VPS13A: variants seen among roughly 807,000 people sequenced by gnomAD.
VPS13A encodes vacuolar protein sorting 13 homolog A, also known as intermembrane lipid transfer protein VPS13A.
Under a neutral mutation model 390.9 loss-of-function variants are expected in VPS13A, and 264 were observed. That is an observed-to-expected ratio of 0.68 (90% CI 0.61 to 0.75). The LOEUF is 0.75. Ranked by LOEUF, VPS13A falls within the 30% of genes least tolerant of loss-of-function variation. VPS13A has a pLI of 0.00. For synonymous variants in VPS13A, 1,231 were observed against 1,227.1 expected, an observed-to-expected ratio of 1.00 and a Z score of -0.07; for missense variants, 3,409 against 3,733.9, an observed-to-expected ratio of 0.91 and a Z score of 2.27.
At position 77,186,950 on chromosome 9, in the gene VPS13A, G is replaced by A. The variant is rs748878408; in HGVS notation, c.100+9146G>A. ...TTCTACTTTTGATGTCTGTAAATTCGAATACTTGAAGTATAAGTGGAATTA... is the reference window on the plus strand; with the variant it reads ...TTCTACTTTTGATGTCTGTAAATTCAAATACTTGAAGTATAAGTGGAATTA... On this transcript the variant is annotated intron_variant, in intron 1 of 71. Transcript: ENST00000360280. Among the ~76,000 whole-genome samples the A allele has an allele frequency of 7.9e-5, 12 of 152,116 alleles. No individual in the cohort carries two copies. In the South Asian group the frequency reaches 8.3e-4, roughly 11 times the overall value.
intron 23 of VPS13A, among the ~76,000 whole-genome samples, chr9:77,262,064 T>G (rs1223116263): frequency 6.6e-6 from 1 of 152,264 alleles, no homozygotes; most frequent in African/African-American, 2.4e-5. Context: ...TTTCTGTTTT[T>G]GGAAACTGCT....
intron 31 of VPS13A, among the ~76,000 whole-genome samples, chr9:77,288,896 G>A (rs1273317295): frequency 6.6e-6 from 1 of 152,084 alleles, no homozygotes; most frequent in African/African-American, 2.4e-5. Context: ...ATGTTTTGGA[G>A]ATCTCTTGTT....
Position 77,199,969 on chromosome 9 carries a change from A to C in VPS13A, c.125A>C (p.Gln42Pro), listed in dbSNP as rs1226553870. 1.9e-6 allele frequency: 3 copies of C among 1,608,772 alleles called. No homozygotes were observed. The highest frequency in any genetic ancestry group is 2.5e-6 in the Non-Finnish European group (3 of 1,177,604). The change falls in exon 2 of 72, where the codon CAA becomes CCA. Residue 42 changes from glutamine to proline, a missense_variant. This residue lies in a region of VPS13A where 2,717 missense variants were observed against 2,917.4 expected (regional missense o/e 0.93). Coordinates refer to ENST00000360280, the MANE Select transcript of VPS13A (RefSeq NM_033305.3). ...WKGAVALKNL[Q>P]IKENALSQLD... ...GGAGCTGTGGCCCTCAAGAATCTTC[A>C]AATTAAAGAAAATGCCCTGGTAGGT...
Position 77,276,241 on chromosome 9 carries a change from AAAAT to A in VPS13A, c.2824+29_2824+32del. ...ACTTGGGTAAGAATCTCTATTTTTT[AAAAT>A]AAATAAATTAATTTCATTGTTTGAC... On this transcript the variant is annotated intron_variant, in intron 26 of 71. Coordinates refer to ENST00000360280, the MANE Select transcript of VPS13A (RefSeq NM_033305.3). 4 of 1,547,442 alleles carry A rather than the reference AAAAT, an allele frequency of 2.6e-6. No individual in the cohort carries two copies. The highest frequency in any genetic ancestry group is 1.2e-5 in the South Asian group (1 of 80,620).
intron 19 of VPS13A, among the ~76,000 whole-genome samples, chr9:77,239,741 C>T (rs1329459157): frequency 2.0e-5 from 3 of 151,766 alleles, no homozygotes; most frequent in Non-Finnish European, 4.4e-5. Context: ...TGTCTAACAT[C>T]CTATTTTGTG....
intron 62 of VPS13A, among the ~76,000 whole-genome samples, chr9:77,368,534 C>T (rs1413077845): frequency 1.3e-5 from 2 of 152,090 alleles, no homozygotes; most frequent in Non-Finnish European, 2.9e-5. Flanking sequence ...TGTTTTTCCA[C>T]TTCTAGAGAG....
chr9:77,253,376 GCT>G (rs1340827944), intron 22 of VPS13A, among the ~76,000 whole-genome samples: 1 of 152,126 alleles, frequency 6.6e-6, no homozygotes, highest in African/African-American at 2.4e-5. Context: ...CATGATCTTG[GCT>G]CACTGCTACC....
chr9:77,190,908 G>A (rs1230907834), intron 1 of VPS13A, among the ~76,000 whole-genome samples: 12 of 151,938 alleles, frequency 7.9e-5, no homozygotes, highest in Non-Finnish European at 1.6e-4. Flanking sequence ...TCTCTGGGTC[G>A]GTGGTAATGT....
chr9:77,350,347 G>T (rs1358469554), intron 52 of VPS13A, among the ~76,000 whole-genome samples: 2 of 152,100 alleles, frequency 1.3e-5, no homozygotes, highest in Non-Finnish European at 2.9e-5. Context: ...ACAAAAAAAT[G>T]ACTTTCTTAA....
At position 77,407,853 on chromosome 9, in the gene VPS13A, G is replaced by GCTAA. The variant is rs560375974; in HGVS notation, c.9474+249_9474+252dup. Among the ~76,000 whole-genome samples, 51 of 151,998 alleles carry GCTAA rather than the reference G, an allele frequency of 3.4e-4. No individual in the cohort carries two copies. The South Asian group carries it at 4.2e-3, about 12-fold the overall frequency. ...CAGATTGCTCCATCTTATTTTAAATGCTAACTCTAATTAATTTTTTTTAAT... is the reference window on the plus strand; with the variant it reads ...CAGATTGCTCCATCTTATTTTAAATGCTAACTAACTCTAATTAATTTTTTTTAAT... On this transcript the variant is annotated intron_variant, in intron 71 of 71. Transcript: ENST00000360280.
intron 31 of VPS13A, among the ~76,000 whole-genome samples, chr9:77,287,216 A>T (rs552842558): frequency 6.8e-6 from 1 of 147,444 alleles, no homozygotes; most frequent in East Asian, 2.0e-4. Context: ...TTTTATATAT[A>T]CATAAAATTC....
At chr9:77,373,831 T>C (rs1832928311) in intron 67 of VPS13A, among the ~76,000 whole-genome samples, 2 of 151,942 alleles carry the variant, frequency 1.3e-5, no homozygotes, top group Admixed American at 1.3e-4. Context: ...GCGAAGGACA[T>C]GAACAGACAC....
intron 1 of VPS13A, among the ~76,000 whole-genome samples, chr9:77,191,030 G>A (rs1305909270): frequency 6.6e-6 from 1 of 150,562 alleles, no homozygotes; most frequent in African/African-American, 2.4e-5. Flanking sequence ...ACCATCTTTT[G>A]TATTTTTTTT....
intron 1 of VPS13A, among the ~76,000 whole-genome samples, chr9:77,194,964 A>C (rs1824902197): frequency 6.6e-6 from 1 of 151,994 alleles, no homozygotes; most frequent in Non-Finnish European, 1.5e-5. Flanking sequence ...TAAAAGTTTT[A>C]ACATTTGACG....
chr9:77,323,197 TAAG>T lies in VPS13A; in HGVS notation c.5965_5967del (p.Lys1989del), dbSNP rs1349945174. 3.7e-6 allele frequency: 6 copies of T among 1,613,446 alleles called. No individual in the cohort carries two copies. Among genetic ancestry groups the T allele is most frequent in the East Asian group, 2.2e-5 (1 of 44,834 alleles). On this transcript the variant is annotated inframe_deletion, in exon 45 of 72. Transcript: ENST00000360280. ...GTCAAATTGATACAGTAGAAGGAAG[TAAG>T]AAGGTCACAATTCGCTCCCCAGTGC...
At chr9:77,394,430 A>G (rs1007825372) in intron 68 of VPS13A, among the ~76,000 whole-genome samples, 1 of 152,198 alleles carries the variant, frequency 6.6e-6, no homozygotes, top group East Asian at 1.9e-4. Context: ...TGCACCAGGC[A>G]TGGCGGCAGC....
At chr9:77,340,147 T>C in intron 48 of VPS13A, 31 bp from the exon 49 acceptor site, 7 of 1,586,606 alleles carry the variant, frequency 4.4e-6, no homozygotes, top group Non-Finnish European at 5.2e-6. Flanking sequence ...GGTACCTAAA[T>C]TGTGATGTAT....
intron 46 of VPS13A, among the ~76,000 whole-genome samples, chr9:77,335,328 A>T (rs772911910): frequency 2.0e-5 from 3 of 152,216 alleles, no homozygotes; most frequent in Non-Finnish European, 4.4e-5. Flanking sequence ...ACTCTTCTGC[A>T]ATGGCAAAAA....
intron 1 of VPS13A, among the ~76,000 whole-genome samples, chr9:77,185,824 C>G (rs987627913): frequency 6.6e-6 from 1 of 152,184 alleles, no homozygotes; most frequent in African/African-American, 2.4e-5. Context: ...TAGTCCAAGT[C>G]CACGTCCAAA....
Sources: allele counts gnomAD v4.1 joint callset (sites outside exome capture counted in the v4.1 genomes callset), GRCh38; gene constraint gnomAD v4.1.1; regional missense constraint gnomAD v4.1.1; transcripts MANE v1.5; gene names NCBI Gene and HGNC (gene_info 2026-07-23, HGNC 2026-07-21).